Variants in OCM observed in about 807,000 individuals in gnomAD.
OCM encodes the protein oncomodulin-1.
OCM carries 18 observed loss-of-function variants against 14.1 expected under a neutral mutation model. The observed-to-expected ratio is 1.28, with a 90% CI of 0.88 to 1.89. The LOEUF (loss-of-function observed/expected upper bound fraction) is 1.89. Ranked by LOEUF, OCM falls within the 40% of genes most tolerant of loss-of-function variation. The pLI, the probability that OCM is intolerant of heterozygous loss-of-function variation, is 0.00. For synonymous variants in OCM, 48 were observed against 51.0 expected (o/e 0.94, Z 0.25); for missense variants, 140 against 137.6 (o/e 1.02, Z -0.09).
chr7:5,874,855 A>C (rs1400947068), upstream of OCM, among the ~76,000 whole-genome samples: 1 of 151,898 alleles, frequency 6.6e-6, no homozygotes, highest in East Asian at 1.9e-4. Context: ...CACATTGTGC[A>C]ACTGTCACCA....
upstream of OCM, among the ~76,000 whole-genome samples, chr7:5,880,256 G>A (rs1243331016): frequency 6.6e-6 from 1 of 152,158 alleles, no homozygotes; most frequent in South Asian, 2.1e-4. Flanking sequence ...CATGGTTTAC[G>A]GCTGCCTATG....
intron 1 of OCM, among the ~76,000 whole-genome samples, chr7:5,882,273 C>T (rs1369221249): frequency 1.3e-5 from 2 of 151,620 alleles, no homozygotes; most frequent in African/African-American, 4.8e-5. Flanking sequence ...GGAAAATGGA[C>T]AAAACCAAGT....
At chr7:5,864,167 C>T in the OCM span, among the ~76,000 whole-genome samples, 1 of 151,506 alleles carries the variant, frequency 6.6e-6, no homozygotes, top group East Asian at 1.9e-4. Context: ...TGATGAGATC[C>T]CGTCTCTACA....
At chr7:5,872,119 G>A in the OCM span, 1 of 152,224 alleles carries the variant, frequency 6.6e-6, no homozygotes, top group Non-Finnish European at 1.5e-5. Flanking sequence ...GGGGACTTGT[G>A]CCATTTCCAC....
chr7:5,878,410 T>C (rs937204004), upstream of OCM, among the ~76,000 whole-genome samples: 9 of 151,892 alleles, frequency 5.9e-5, no homozygotes, highest in African/African-American at 7.3e-5. Flanking sequence ...CGTTCAATAA[T>C]GCGCCAAGAG....
chr7:5,863,910 G>A, the OCM span, among the ~76,000 whole-genome samples: 1 of 152,070 alleles, frequency 6.6e-6, no homozygotes, highest in African/African-American at 2.4e-5. Context: ...TGTTGTCTAG[G>A]GAACCTGGGG....
the OCM span, among the ~76,000 whole-genome samples, chr7:5,873,377 CA>C: frequency 6.6e-6 from 1 of 151,720 alleles, no homozygotes; most frequent in Non-Finnish European, 1.5e-5. Context: ...AACTCCATCT[CA>C]AAAAAAATTT....
intron 1 of OCM, among the ~76,000 whole-genome samples, chr7:5,881,438 A>G (rs969091067): frequency 4.6e-5 from 7 of 152,092 alleles, no homozygotes; most frequent in Non-Finnish European, 7.4e-5. Context: ...CCTGGGCAAC[A>G]TAGGAAGACT....
intron 3 of OCM, among the ~76,000 whole-genome samples, 177 bp downstream of exon 3, chr7:5,884,176 A>C (rs1314620663): frequency 6.6e-6 from 1 of 152,064 alleles, no homozygotes; most frequent in African/African-American, 2.4e-5. Context: ...TGTGTGTAAA[A>C]ACCCTGGCAT....
chr7:5,870,996 C>T, the OCM span, among the ~76,000 whole-genome samples: 3 of 151,960 alleles, frequency 2.0e-5, no homozygotes, highest in Admixed American at 6.6e-5. Context: ...AAGTGATTCT[C>T]CCGCCTCAGC....
intron 3 of OCM, among the ~76,000 whole-genome samples, chr7:5,884,210 G>C: frequency 1.3e-5 from 2 of 152,162 alleles, no homozygotes; most frequent in East Asian, 3.8e-4. Context: ...TACTATAGAA[G>C]CTGGTCACAC....
chr7:5,876,032 T>A (rs1195847786), upstream of OCM, among the ~76,000 whole-genome samples: 1 of 151,522 alleles, frequency 6.6e-6, no homozygotes, highest in Admixed American at 6.6e-5. Flanking sequence ...CGAGACAGAG[T>A]CTTGCTCTGT....
upstream of OCM, among the ~76,000 whole-genome samples, chr7:5,880,375 C>CA (rs1266898390): frequency 6.6e-6 from 1 of 151,790 alleles, no homozygotes; most frequent in East Asian, 1.9e-4. Context: ...GGCTCTGAGA[C>CA]AAAAAAGGCT....
At chr7:5,874,069 A>AC in the OCM span, among the ~76,000 whole-genome samples, 2 of 150,650 alleles carry the variant, frequency 1.3e-5, no homozygotes, top group African/African-American at 2.4e-5. Context: ...TAAAAAAAAA[A>AC]AAAAATTAGC....
chr7:5,882,650 G>A (rs1489603025), intron 2 of OCM, 25 bp downstream of exon 2: 1 of 1,613,130 alleles, frequency 6.2e-7, no homozygotes, highest in African/African-American at 1.3e-5. Context: ...GAGTCTGTCT[G>A]GTACCCGGCA....
At chr7:5,882,120 G>GAAAT (rs369066334) in intron 1 of OCM, among the ~76,000 whole-genome samples, 1,947 of 91,734 alleles carry the variant, frequency 0.021, 396 homozygotes, top group East Asian at 0.084. Flanking sequence ...AAAAAAAAAA[G>GAAAT]CGCCAAAGGC....
At chr7:5,868,804 T>G in the OCM span, among the ~76,000 whole-genome samples, 2 of 152,248 alleles carry the variant, frequency 1.3e-5, no homozygotes, top group African/African-American at 4.8e-5. Context: ...GGCTGATGCC[T>G]ATAATCCCAG....
the OCM span, among the ~76,000 whole-genome samples, chr7:5,872,930 C>T: frequency 6.6e-6 from 1 of 151,974 alleles, no homozygotes; most frequent in East Asian, 1.9e-4. Context: ...GGGCTGGGCA[C>T]GGTGGCTCAC....
At chr7:5,870,254 G>A in the OCM span, among the ~76,000 whole-genome samples, 5 of 152,008 alleles carry the variant, frequency 3.3e-5, no homozygotes, top group Non-Finnish European at 7.4e-5. Flanking sequence ...GGGACCACAG[G>A]CTCGTACCAC....
Sources: gnomAD v4.1 joint callset for allele counts (sites outside exome capture counted in the v4.1 genomes callset) on GRCh38, gnomAD v4.1.1 for gene constraint, MANE v1.5 for transcripts, NCBI Gene and HGNC (gene_info 2026-07-23, HGNC 2026-07-21) for gene names.